Variants in PRKCA observed in about 807,000 individuals in gnomAD.
PRKCA encodes protein kinase C alpha.
Under a neutral mutation model 87.0 loss-of-function variants are expected in PRKCA, and 27 were observed. The ratio of observed to expected loss-of-function variants is 0.31; its 90% CI spans 0.23 to 0.43. The LOEUF is 0.43. Ranked by LOEUF, PRKCA falls within the 20% of genes least tolerant of loss-of-function variation. PRKCA has a pLI of 1.00. For synonymous variants in PRKCA, 329 were observed against 311.1 expected, an observed-to-expected ratio of 1.06 and a Z score of -0.61; for missense variants, 518 against 852.3, an observed-to-expected ratio of 0.61 and a Z score of 4.88.
chr17:66,652,542 AACAG>A (rs1191278165), intron 5 of PRKCA, among the ~76,000 whole-genome samples: 4 of 152,298 alleles, frequency 2.6e-5, no homozygotes, highest in South Asian at 2.1e-4. Context: ...AAAGCAAAAA[AACAG>A]ACAGAAATCT....
intron 13 of PRKCA, among the ~76,000 whole-genome samples, chr17:66,771,066 G>A (rs1974923241): frequency 6.6e-6 from 1 of 151,564 alleles, no homozygotes; most frequent in Admixed American, 6.6e-5. Flanking sequence ...TGCAGTGGGG[G>A]CGATCTTGGC....
At chr17:66,635,152 C>T (rs941026534) in intron 3 of PRKCA, among the ~76,000 whole-genome samples, 8 of 152,202 alleles carry the variant, frequency 5.3e-5, no homozygotes, top group African/African-American at 1.9e-4. Context: ...TGAGAGACAC[C>T]AAGGTGCCTG....
chr17:66,660,376 C>G (rs1309453644), intron 5 of PRKCA, among the ~76,000 whole-genome samples: 1 of 152,158 alleles, frequency 6.6e-6, no homozygotes, highest in Non-Finnish European at 1.5e-5. Context: ...CTTACTGATA[C>G]CTTCTTCCTT....
chr17:66,562,060 A>ATATATATAATTAAATTATATATATAAT (rs1968700349), intron 3 of PRKCA, among the ~76,000 whole-genome samples: 1 of 126,602 alleles, frequency 7.9e-6, no homozygotes, highest in South Asian at 2.5e-4. Flanking sequence ...ATATAATTAA[A>ATATATATAATTAAATTATATATATAAT]TATATATAAT....
At chr17:66,325,056 T>C (rs963509209) in intron 2 of PRKCA, among the ~76,000 whole-genome samples, 16 of 152,354 alleles carry the variant, frequency 1.1e-4, no homozygotes, top group African/African-American at 3.6e-4. Context: ...TTCCCCCACT[T>C]CTTTTAATTC....
At chr17:66,506,160 G>A (rs367663513) in intron 3 of PRKCA, among the ~76,000 whole-genome samples, 4 of 152,218 alleles carry the variant, frequency 2.6e-5, no homozygotes, top group South Asian at 4.2e-4. Flanking sequence ...GCCAGGCATG[G>A]TGGTGTGTGC....
At chr17:66,456,032 A>G (rs1914562017) in intron 2 of PRKCA, among the ~76,000 whole-genome samples, 1 of 152,094 alleles carries the variant, frequency 6.6e-6, no homozygotes, top group Admixed American at 6.6e-5. Context: ...AGGTGAAGAC[A>G]CAGAGACACA....
At chr17:66,583,252 G>A (rs1969497316) in intron 3 of PRKCA, among the ~76,000 whole-genome samples, 1 of 152,164 alleles carries the variant, frequency 6.6e-6, no homozygotes, top group African/African-American at 2.4e-5. Flanking sequence ...CAGATTTGGT[G>A]TTGGGAGGAA....
intron 3 of PRKCA, among the ~76,000 whole-genome samples, chr17:66,561,993 C>G (rs760365056): frequency 6.7e-6 from 1 of 149,238 alleles, no homozygotes; most frequent in Non-Finnish European, 1.5e-5. Context: ...TGTGAATGTA[C>G]TTACTGCCAT....
chr17:66,482,083 A>C (rs557441617), intron 2 of PRKCA, among the ~76,000 whole-genome samples: 13 of 143,452 alleles, frequency 9.1e-5, no homozygotes, highest in Admixed American at 2.8e-4. Context: ...CCTGGGCGAC[A>C]GAGCAAGACT....
intron 5 of PRKCA, among the ~76,000 whole-genome samples, chr17:66,648,563 G>A (rs1200932208): frequency 6.6e-6 from 1 of 152,186 alleles, no homozygotes; most frequent in Non-Finnish European, 1.5e-5. Context: ...ATAAGAATTG[G>A]AATCTATTTT....
chr17:66,581,752 G>A (rs956348847), intron 3 of PRKCA, among the ~76,000 whole-genome samples: 1 of 152,196 alleles, frequency 6.6e-6, no homozygotes, highest in Non-Finnish European at 1.5e-5. Context: ...TGGGATTACA[G>A]GCATGAGCCA....
At chr17:66,733,184 G>A (rs1409306897) in intron 9 of PRKCA, among the ~76,000 whole-genome samples, 2 of 150,204 alleles carry the variant, frequency 1.3e-5, no homozygotes, top group Non-Finnish European at 3.0e-5. Flanking sequence ...CCTGTGATTT[G>A]TACAGTCATC....
intron 2 of PRKCA, among the ~76,000 whole-genome samples, chr17:66,337,635 C>T (rs1906785438): frequency 6.6e-6 from 1 of 152,114 alleles, no homozygotes; most frequent in Non-Finnish European, 1.5e-5. Context: ...ATCCACCTGC[C>T]TTGGCTTCCC....
At chr17:66,700,680 A>C (rs1293143588) in intron 8 of PRKCA, among the ~76,000 whole-genome samples, 1 of 152,216 alleles carries the variant, frequency 6.6e-6, no homozygotes, top group Non-Finnish European at 1.5e-5. Flanking sequence ...CAATATAAGA[A>C]AACAATTGTG....
rs566513485 is a variant in PRKCA at position 66,630,205 on chromosome 17, A to G, written c.289-11150A>G. The stretch of plus-strand genomic sequence containing the variant: ...TGACTTTTTCCTTAGAGGAATCAGT[A>G]TGACAATAGGAAAAAGAAAAATAAT... On this transcript the variant is annotated intron_variant, in intron 3 of 16. Transcript: ENST00000413366. 6.6e-5 allele frequency among the ~76,000 whole-genome samples: 10 copies of G among 152,358 alleles called. No homozygotes were observed. In the South Asian group the frequency reaches 2.1e-3, roughly 32 times the overall value.
intron 3 of PRKCA, among the ~76,000 whole-genome samples, chr17:66,524,743 A>G (rs1295838953): frequency 1.3e-5 from 2 of 152,162 alleles, no homozygotes; most frequent in Non-Finnish European, 2.9e-5. Flanking sequence ...ATTGGCCTGG[A>G]AGGTACGCTT....
chr17:66,640,645 G>A (rs919084969), intron 3 of PRKCA, among the ~76,000 whole-genome samples: 39 of 152,162 alleles, frequency 2.6e-4, no homozygotes, highest in Admixed American at 2.4e-3. Context: ...GATCCATTTA[G>A]GGTTGTTCCG....
chr17:66,387,506 C>T (rs1910129903), intron 2 of PRKCA, among the ~76,000 whole-genome samples: 1 of 152,176 alleles, frequency 6.6e-6, no homozygotes, highest in African/African-American at 2.4e-5. Context: ...TGTGGAGGCT[C>T]CTGATGGCTC....
Sources: gnomAD v4.1 joint callset for allele counts (sites outside exome capture counted in the v4.1 genomes callset) on GRCh38, gnomAD v4.1.1 for gene constraint, MANE v1.5 for transcripts, NCBI Gene and HGNC (gene_info 2026-07-23, HGNC 2026-07-21) for gene names.